The following KLF11 variants were observed in gnomAD, a reference collection of about 807,000 sequenced individuals.
KLF11 encodes KLF transcription factor 11.
In KLF11, 26 loss-of-function variants were observed where a neutral mutation model predicts 29.9. The ratio of observed to expected loss-of-function variants is 0.87; its 90% CI spans 0.64 to 1.21. The LOEUF is 1.21. Ranked by LOEUF, KLF11 falls within the 50% of genes most tolerant of loss-of-function variation. The pLI is 0.00. For missense variants in KLF11, 778 were observed against 665.7 expected, an observed-to-expected ratio of 1.17 and a Z score of -1.86; for synonymous variants, 318 against 257.4, an observed-to-expected ratio of 1.24 and a Z score of -2.25.
intron 1 of KLF11, among the ~76,000 whole-genome samples, chr2:10,044,649 CT>C (rs56067200): frequency 0.013 from 1,775 of 139,932 alleles, 47 homozygotes; most frequent in African/African-American, 0.043. Flanking sequence ...GTTTCCTTTC[CT>C]TTTTTTTTTT....
At chr2:10,050,892 CTTT>C (rs386389509) in intron 3 of KLF11, among the ~76,000 whole-genome samples, 2 of 54,824 alleles carry the variant, frequency 3.6e-5, no homozygotes, top group Non-Finnish European at 6.3e-5. Context: ...TAGATGCTAC[CTTT>C]TTTTTTTTTT....
At chr2:10,044,048 C>A in intron 1 of KLF11, 4 of 696,550 alleles carry the variant, frequency 5.7e-6, no homozygotes, top group Non-Finnish European at 7.1e-6. Flanking sequence ...CCAGCCATGA[C>A]GTCACCCCGG....
chr2:10,046,545 T>C, intron 2 of KLF11, 126 bp downstream of exon 2: 2 of 1,082,082 alleles, frequency 1.8e-6, no homozygotes, highest in Non-Finnish European at 2.8e-6. Context: ...CCTCTCTGTG[T>C]GGGTCTGAAG....
chr2:10,045,238 C>T (rs531512760), intron 1 of KLF11, among the ~76,000 whole-genome samples: 1 of 152,120 alleles, frequency 6.6e-6, no homozygotes, highest in South Asian at 2.1e-4. Flanking sequence ...CCAGCCTGGC[C>T]AACATGGTGA....
intron 1 of KLF11, among the ~76,000 whole-genome samples, chr2:10,045,691 A>T (rs1234618529): frequency 6.6e-6 from 1 of 152,206 alleles, no homozygotes; most frequent in East Asian, 1.9e-4. Context: ...CCCTGAGAGC[A>T]TCTGTAGGGA....
rs1351414401 is a variant in KLF11 at position 10,047,851 on chromosome 2, G to A, written c.514G>A (p.Gly172Arg). ...PVPSSPCRAK[G>R]TSVIRHTGES... ...GCCCAGCTCTCCCTGCAGGGCCAAGGGGACTAGCGTGATCCGACACACTGG... is the reference window on the plus strand; with the variant it reads ...GCCCAGCTCTCCCTGCAGGGCCAAGAGGACTAGCGTGATCCGACACACTGG... Residue 172 changes from glycine (G) to arginine (R), a missense_variant, in exon 3 of 4, where the codon GGG becomes AGG. Transcript: ENST00000305883. 3.1e-6 allele frequency: 5 copies of A among 1,613,854 alleles called. No individual in the cohort carries two copies. In the South Asian group the frequency reaches 4.4e-5, roughly 14 times the overall value.
chr2:10,046,542 G>A (rs887406514), intron 2 of KLF11, 123 bp downstream of exon 2: 4 of 1,084,806 alleles, frequency 3.7e-6, no homozygotes, highest in Non-Finnish European at 5.5e-6. Context: ...TATCCTCTCT[G>A]TGTGGGTCTG....
chr2:10,048,421 G>A lies in KLF11; in HGVS notation c.1084G>A (p.Gly362Arg), dbSNP rs755222469. The A allele has an allele frequency of 1.6e-5, 26 of 1,613,932 alleles. No homozygotes were observed. Among genetic ancestry groups the A allele is most frequent in the African/African-American group, 2.7e-5 (2 of 74,904 alleles). ...APCAANVMAA[G>R]NTKLLPLAPA... is the part of the protein sequence containing the mutation. ...CTGTGCAGCCAATGTCATGGCTGCC[G>A]GGAATACCAAGTTGTTGCCCCTTGC... is the stretch of plus-strand genomic sequence containing the variant. Residue 362 changes from glycine to arginine, a missense_variant, in exon 3 of 4, where the codon GGG becomes AGG. By Grantham distance (125) the Gly-to-Arg change is moderately radical. Coordinates refer to ENST00000305883, the MANE Select transcript of KLF11 (RefSeq NM_003597.5).
At chr2:10,049,347 T>C (rs1478252827) in intron 3 of KLF11, among the ~76,000 whole-genome samples, 1 of 152,242 alleles carries the variant, frequency 6.6e-6, no homozygotes, top group African/African-American at 2.4e-5. Context: ...TGTTGCTGGA[T>C]AGACAATCGC....
In KLF11 at chr2:10,053,611, G is replaced by C; in HGVS notation, c.*1104G>C. The C allele has an allele frequency of 2.5e-6, 1 of 394,786 alleles. No homozygotes were observed. Among genetic ancestry groups the C allele is most frequent in the Middle Eastern group, 6.4e-4 (1 of 1,562 alleles). The allele number at this position is 394,786 out of a possible 1,614,324, so 24.5% of individuals were successfully genotyped here. ...AGAAACACAAGGAAATGCAAGTTAC[G>C]CTAAATGGCAGTAATACTACCCAAC... On this transcript the variant is annotated 3_prime_UTR_variant, in exon 4 of 4. Coordinates refer to ENST00000305883, the MANE Select transcript of KLF11 (RefSeq NM_003597.5).
chr2:10,043,898 GGGCGGGCTCCGGAGCCGGGCGGGGC>G (rs1661077063), intron 1 of KLF11, 140 bp downstream of exon 1: 1 of 1,044,334 alleles, frequency 9.6e-7, no homozygotes, highest in African/African-American at 1.7e-5. Flanking sequence ...GTAGGGGCCT[GGGCGGGCTCCGGAGCCGGGCGGGGC>G]GGCGGCCGCG....
In KLF11 at chr2:10,052,659, A is replaced by C. The variant is rs1661444175; in HGVS notation, c.*152A>C. ...AGCTGGTTTTGATGAAAGTATGTTAACTTTTCTTTTCCACTTGGGACCCTG... is the reference window on the plus strand; with the variant it reads ...AGCTGGTTTTGATGAAAGTATGTTACCTTTTCTTTTCCACTTGGGACCCTG... On this transcript the variant is annotated 3_prime_UTR_variant, in exon 4 of 4. Coordinates refer to ENST00000305883, the MANE Select transcript of KLF11 (RefSeq NM_003597.5). 6 of 751,336 alleles carry C rather than the reference A, an allele frequency of 8.0e-6. 1 individual carries two copies. The Admixed American group carries it at 1.5e-4, about 19-fold the overall frequency. The allele number at this position is 751,336 out of a possible 1,614,324, so 46.5% of individuals were successfully genotyped here. A position where few individuals can be genotyped will look rare whatever the true frequency, so the allele number is the denominator to read the frequency against.
chr2:10,044,248 G>A (rs1321100432), intron 1 of KLF11: 56 of 979,166 alleles, frequency 5.7e-5, no homozygotes, highest in Non-Finnish European at 6.8e-5. Flanking sequence ...AGGTCTAGGG[G>A]CCGGGGCAAC....
chr2:10,044,084 C>A, intron 1 of KLF11: 2 of 709,382 alleles, frequency 2.8e-6, no homozygotes, highest in South Asian at 6.1e-5. Context: ...GGCCGTTGGG[C>A]GGGGGAGCGG....
In KLF11 at chr2:10,051,512, C is replaced by T. The variant is rs763372077; in HGVS notation, c.1259-715C>T. 4.6e-5 allele frequency among the ~76,000 whole-genome samples: 7 copies of T among 151,108 alleles called. 1 individual carries two copies. Among genetic ancestry groups the T allele is most frequent in the Non-Finnish European group, 1.5e-5 (1 of 67,840 alleles). On this transcript the variant is annotated intron_variant, in intron 3 of 3. Coordinates refer to ENST00000305883, the MANE Select transcript of KLF11 (RefSeq NM_003597.5). The stretch of plus-strand genomic sequence containing the variant: ...GTGAGCCACCGTGCCCAGCTGGATG[C>T]TACATTTTTTATTTTTAATTTTTTG...
chr2:10,054,457 C>T lies in KLF11; in HGVS notation c.*1950C>T, dbSNP rs1419372701. ...CGGTTTTAATTTACACTTCCATTTCCTGATTACATTTGGAAATACTTTGTG... is the reference window on the plus strand; with the variant it reads ...CGGTTTTAATTTACACTTCCATTTCTTGATTACATTTGGAAATACTTTGTG... On this transcript the variant is annotated 3_prime_UTR_variant, in exon 4 of 4. Coordinates refer to ENST00000305883, the MANE Select transcript of KLF11 (RefSeq NM_003597.5). 1 of 152,650 alleles carries T rather than the reference C, an allele frequency of 6.6e-6. No individual in the cohort carries two copies. The highest frequency in any genetic ancestry group is 2.4e-5 in the African/African-American group (1 of 41,458). 9.5% of individuals were successfully genotyped at this position (152,650 alleles called of 1,614,324 possible).
intron 2 of KLF11, 105 bp from the exon 3 acceptor site, chr2:10,047,544 AC>A: frequency 1.0e-6 from 1 of 989,682 alleles, no homozygotes; most frequent in Non-Finnish European, 1.6e-6. Context: ...AACAGGGTTA[AC>A]TGAGTGTCTA....
rs1661305042 is a variant in KLF11 at position 10,048,495 on chromosome 2, AG to A, written c.1159del (p.Asp387ThrfsTer83). 6.2e-7 allele frequency: 1 copy of A among 1,613,842 alleles called. No individual in the cohort carries two copies. ...CTAGCCAAAACTGTGTCCCTCAGGT[AG>A]ACTTTTCCCGAAGGAGGAACTATGT... Reference protein sequence around the residue: ...TSSQNCVPQVDFSRRRNYVCS... With the variant: ...TSSQNCVPQVXFSRRRNYVCS... On this transcript the variant is annotated frameshift_variant, in exon 3 of 4. Coordinates refer to ENST00000305883, the MANE Select transcript of KLF11 (RefSeq NM_003597.5). LOFTEE classifies it high-confidence loss of function.
At position 10,043,610 on chromosome 2, in the gene KLF11, G is replaced by A. The variant is rs1661058522; in HGVS notation, c.-107G>A. ...CGGGCGAGGCGCGTGCCGGCCGCAGGAGCTCCGGGTTGCCGCCGCCGCCGC... is the reference window on the plus strand; with the variant it reads ...CGGGCGAGGCGCGTGCCGGCCGCAGAAGCTCCGGGTTGCCGCCGCCGCCGC... On this transcript the variant is annotated 5_prime_UTR_variant, in exon 1 of 4. Coordinates refer to ENST00000305883, the MANE Select transcript of KLF11 (RefSeq NM_003597.5). 4 of 751,242 alleles carry A rather than the reference G, an allele frequency of 5.3e-6. No homozygotes were observed. Among genetic ancestry groups the A allele is most frequent in the African/African-American group, 4.1e-5 (2 of 48,942 alleles). The allele number at this position is 751,242 out of a possible 1,614,324, so 46.5% of individuals were successfully genotyped here. A position where few individuals can be genotyped will look rare whatever the true frequency, so the allele number is the denominator to read the frequency against.
Sources: allele counts gnomAD v4.1 joint callset (sites outside exome capture counted in the v4.1 genomes callset), GRCh38; gene constraint gnomAD v4.1.1; transcripts MANE v1.5; gene names NCBI Gene and HGNC (gene_info 2026-07-23, HGNC 2026-07-21).